SFXN5: variants seen among roughly 807,000 people sequenced by gnomAD.
SFXN5 encodes sideroflexin-5.
SFXN5 carries 43 observed loss-of-function variants against 50.2 expected under a neutral mutation model. The ratio of observed to expected loss-of-function variants is 0.86; its 90% CI spans 0.67 to 1.11. The LOEUF is 1.11. SFXN5 is among the 50% of genes least tolerant of loss of function. The pLI is 0.00. For missense variants in SFXN5, 463 were observed against 454.1 expected, an observed-to-expected ratio of 1.02 and a Z score of -0.18; for synonymous variants, 203 against 185.8, an observed-to-expected ratio of 1.09 and a Z score of -0.75.
At chr2:73,055,680 G>A (rs1357291048) in intron 2 of SFXN5, among the ~76,000 whole-genome samples, 6 of 149,358 alleles carry the variant, frequency 4.0e-5, no homozygotes, top group Non-Finnish European at 7.4e-5. Flanking sequence ...ACAATGGCAC[G>A]ATCTCGCCTC....
chr2:73,057,908 A>C (rs1682349765), intron 2 of SFXN5, among the ~76,000 whole-genome samples: 1 of 152,166 alleles, frequency 6.6e-6, no homozygotes. Flanking sequence ...AGGCCTCCCC[A>C]GCCATGAGGA....
intron 6 of SFXN5, among the ~76,000 whole-genome samples, chr2:73,009,834 C>T (rs1462358360): frequency 1.3e-5 from 2 of 149,988 alleles, no homozygotes; most frequent in Non-Finnish European, 3.0e-5. Context: ...CAATGATGGG[C>T]TTGTCTAGGG....
In SFXN5 at chr2:72,961,336, TG is replaced by T; in HGVS notation, c.828-89del. ...ACCATGCTGGGTCCCACTCTGTCTCTGGGCCCAGGAAGCGTGGTTCCGGGGC... is the reference window on the plus strand; with the variant it reads ...ACCATGCTGGGTCCCACTCTGTCTCTGGCCCAGGAAGCGTGGTTCCGGGGC... On this transcript the variant is annotated intron_variant, in intron 12 of 13. Coordinates refer to ENST00000272433, the MANE Select transcript of SFXN5 (RefSeq NM_144579.3). The surrounding 1 kb of genome is among the most constrained non-coding windows in gnomAD (Gnocchi z 4.4). 1.2e-6 allele frequency: 1 copy of T among 865,748 alleles called. No homozygotes were observed. The highest frequency in any genetic ancestry group is 1.7e-6 in the Non-Finnish European group (1 of 587,250). 53.6% of individuals were successfully genotyped at this position (865,748 alleles called of 1,614,324 possible). A position where few individuals can be genotyped will look rare whatever the true frequency, so the allele number is the denominator to read the frequency against.
At chr2:73,022,366 T>C (rs1677002759) in intron 5 of SFXN5, among the ~76,000 whole-genome samples, 156 bp downstream of exon 5, 1 of 152,150 alleles carries the variant, frequency 6.6e-6, no homozygotes. Flanking sequence ...CAGCGCCTTG[T>C]ACAGTTGAGC....
intron 1 of SFXN5, among the ~76,000 whole-genome samples, chr2:73,068,473 A>T (rs1286948377): frequency 6.6e-6 from 1 of 152,124 alleles, no homozygotes; most frequent in African/African-American, 2.4e-5. Flanking sequence ...AGCACTGATG[A>T]ACCTTACACT....
At chr2:73,069,238 G>T (rs1299597172) in intron 1 of SFXN5, among the ~76,000 whole-genome samples, 1 of 152,158 alleles carries the variant, frequency 6.6e-6, no homozygotes, top group African/African-American at 2.4e-5. Flanking sequence ...ACTGGAAGAG[G>T]GCCAGAGTGG....
intron 6 of SFXN5, among the ~76,000 whole-genome samples, chr2:73,006,655 C>G (rs963820691): frequency 2.0e-5 from 3 of 152,094 alleles, no homozygotes; most frequent in African/African-American, 7.2e-5. Context: ...CTCACGTATG[C>G]CACTGAAGTG....
At chr2:73,037,391 T>C (rs184881709) in intron 3 of SFXN5, among the ~76,000 whole-genome samples, 2 of 152,158 alleles carry the variant, frequency 1.3e-5, no homozygotes, top group East Asian at 1.9e-4. Context: ...TAGAGATGGA[T>C]AGAAGAGAAA....
chr2:73,070,647 G>C (rs150571376), intron 1 of SFXN5: 3,802 of 152,204 alleles, frequency 0.025, 79 homozygotes, highest in Non-Finnish European at 0.039. Context: ...CCCGGCTCCG[G>C]TCTCCGGGCC....
chr2:73,037,959 T>C (rs1469105244), intron 3 of SFXN5, among the ~76,000 whole-genome samples: 1 of 152,178 alleles, frequency 6.6e-6, no homozygotes, highest in African/African-American at 2.4e-5. Context: ...AAGGAAAATT[T>C]CAGGAAAACA....
intron 1 of SFXN5, among the ~76,000 whole-genome samples, chr2:73,068,751 G>C (rs1391886983): frequency 6.6e-6 from 1 of 152,020 alleles, no homozygotes; most frequent in African/African-American, 2.4e-5. Context: ...TCAACAGAGA[G>C]ACACAGATGG....
In SFXN5 at chr2:72,945,037, G is replaced by A. The variant is rs1671776959; in HGVS notation, c.1008C>T (p.Tyr336=). Residue 336 remains tyrosine (Y), a synonymous_variant, in exon 14 of 14, where the codon TAC becomes TAT. Coordinates refer to ENST00000272433, the MANE Select transcript of SFXN5 (RefSeq NM_144579.3). The surrounding 1 kb of genome is among the most constrained non-coding windows in gnomAD (Gnocchi z 5.8). ...CTGACCACACTCACAACCCCTTGTT[G>A]TACACCACTGTCCGGCTGCTCGTGG... ...AQATSSRTVV[Y]NKGL is the part of the protein sequence containing the mutation. 2 of 1,613,774 alleles carry A rather than the reference G, an allele frequency of 1.2e-6. No individual in the cohort carries two copies.
chr2:73,063,769 T>C (rs1180716417), intron 1 of SFXN5, among the ~76,000 whole-genome samples: 2 of 152,234 alleles, frequency 1.3e-5, no homozygotes, highest in African/African-American at 2.4e-5. Flanking sequence ...TTATAGATCC[T>C]GTGGGTCCTC....
At chr2:73,036,210 C>G (rs1400050387) in intron 3 of SFXN5, among the ~76,000 whole-genome samples, 2 of 152,100 alleles carry the variant, frequency 1.3e-5, no homozygotes, top group Non-Finnish European at 2.9e-5. Flanking sequence ...GCCAAGCCCC[C>G]CAAGCCCTGA....
intron 9 of SFXN5, chr2:72,998,392 C>G (rs1315896837): frequency 6.5e-6 from 1 of 153,548 alleles, no homozygotes; most frequent in African/African-American, 2.4e-5. Context: ...TCTGAACCTC[C>G]CCTACTGAGT....
intron 9 of SFXN5, among the ~76,000 whole-genome samples, chr2:72,994,054 C>A (rs958643605): frequency 6.6e-6 from 1 of 152,190 alleles, no homozygotes; most frequent in Non-Finnish European, 1.5e-5. Flanking sequence ...CTCCTCCAAC[C>A]TAGAAGCTGA....
chr2:72,972,572 C>A (rs369367482), intron 10 of SFXN5, among the ~76,000 whole-genome samples: 153 of 152,316 alleles, frequency 1.0e-3, no homozygotes, highest in African/African-American at 3.2e-3. Context: ...TCTGCTCCCC[C>A]ATCCTGGGAC....
In SFXN5 at chr2:72,961,877, C is replaced by T. The variant is rs922072176; in HGVS notation, c.828-629G>A. Among the ~76,000 whole-genome samples, 6 of 152,174 alleles carry T rather than the reference C, an allele frequency of 3.9e-5. No homozygotes were observed. The East Asian group carries it at 5.8e-4, about 15-fold the overall frequency. ...GAGGCTGTCAGAGCTGCTGCCTGGA[C>T]CCCTGGCTCCCCGAGGGTGCTGTCA... On this transcript the variant is annotated intron_variant, in intron 12 of 13. Transcript: ENST00000272433. The surrounding 1 kb of genome is among the most constrained non-coding windows in gnomAD (Gnocchi z 4.4).
chr2:73,068,332 A>G (rs1003031218), intron 1 of SFXN5, among the ~76,000 whole-genome samples: 1 of 152,224 alleles, frequency 6.6e-6, no homozygotes, highest in African/African-American at 2.4e-5. Flanking sequence ...TTACACAACT[A>G]TTACATGCCA....
Sources: gnomAD v4.1 joint callset for allele counts (sites outside exome capture counted in the v4.1 genomes callset) on GRCh38, gnomAD v4.1.1 for gene constraint, Gnocchi (gnomAD v3.1) non-coding constraint, MANE v1.5 for transcripts, NCBI Gene and HGNC (gene_info 2026-07-23, HGNC 2026-07-21) for gene names.